The following LTF variants were observed in gnomAD, a reference collection of about 807,000 sequenced individuals.
LTF encodes the protein lactotransferrin.
A neutral mutation model predicts 87.2 loss-of-function variants in LTF; 91 were observed. That is an observed-to-expected ratio of 1.04 (90% confidence interval 0.88 to 1.24). The LOEUF (loss-of-function observed/expected upper bound fraction) is 1.24, where lower values mean the gene tolerates loss of function less well. Among genes scored for constraint, LTF ranks in the 50% most tolerant of loss-of-function variants. The pLI, the probability that LTF is intolerant of heterozygous loss-of-function variation, is 0.00. For missense variants in LTF, 901 were observed against 904.3 expected, an observed-to-expected ratio of 1.00 and a Z score of 0.05; for synonymous variants, 378 against 356.1, an observed-to-expected ratio of 1.06 and a Z score of -0.69.
At chr3:46,439,554 G>T in intron 14 of LTF, 74 bp from the exon 15 acceptor site, 1 of 1,347,158 alleles carries the variant, frequency 7.4e-7, no homozygotes, top group African/African-American at 1.4e-5. Flanking sequence ...GGTGGGTGTG[G>T]CCATTCCACT....
chr3:46,472,521 T>A (rs1384710635), intron 1 of LTF, among the ~76,000 whole-genome samples: 36 of 148,496 alleles, frequency 2.4e-4, no homozygotes, highest in African/African-American at 9.0e-4. Context: ...TGTGTGTGTG[T>A]GTGTGTGAGA....
In LTF at chr3:46,447,410, G is replaced by A. The variant is rs1702682302; in HGVS notation, c.1213-12C>T. On this transcript the variant is annotated splice_polypyrimidine_tract_variant and intron_variant, in intron 9 of 16. Transcript: ENST00000231751. ...TCAGCTTCTCCTTTCTGCAAAGACA[G>A]AGCAGATCTCCAGCACCACAGTGAG... The A allele has an allele frequency of 6.3e-7, 1 of 1,593,230 alleles. No homozygotes were observed. Among genetic ancestry groups the A allele is most frequent in the Non-Finnish European group, 8.6e-7 (1 of 1,161,430 alleles).
At chr3:46,438,340 C>T (rs1423791877) in intron 15 of LTF, among the ~76,000 whole-genome samples, 1 of 152,194 alleles carries the variant, frequency 6.6e-6, no homozygotes, top group Non-Finnish European at 1.5e-5. Context: ...CCAGGCCTCG[C>T]ACCACTTCTG....
intron 1 of LTF, among the ~76,000 whole-genome samples, chr3:46,479,515 T>A (rs952251349): frequency 2.3e-5 from 1 of 43,026 alleles, no homozygotes; most frequent in African/African-American, 4.6e-4. Context: ...TTTCTGTTTG[T>A]TTGTTTGTTT....
chr3:46,468,193 G>C (rs941693981), upstream of LTF: 61 of 456,652 alleles, frequency 1.3e-4, 1 homozygote, highest in Non-Finnish European at 2.0e-4. Flanking sequence ...GATAGTGAGG[G>C]TCAGGGCTGC....
At chr3:46,457,754 A>G (rs967885370) in intron 2 of LTF, among the ~76,000 whole-genome samples, 2 of 152,076 alleles carry the variant, frequency 1.3e-5, no homozygotes, top group Non-Finnish European at 2.9e-5. Flanking sequence ...TTTTTCTTCT[A>G]TGATTCTACA....
intron 1 of LTF, among the ~76,000 whole-genome samples, chr3:46,477,738 T>C (rs1703378172): frequency 6.6e-6 from 1 of 152,194 alleles, no homozygotes; most frequent in Non-Finnish European, 1.5e-5. Context: ...GGATGTAAGA[T>C]TTTCAGTACA....
chr3:46,460,411 G>T (rs1205258130), intron 1 of LTF, among the ~76,000 whole-genome samples: 1 of 152,192 alleles, frequency 6.6e-6, no homozygotes, highest in Non-Finnish European at 1.5e-5. Context: ...TCAGTTGGTT[G>T]GTGTGCCTGA....
intron 6 of LTF, 82 bp downstream of exon 6, chr3:46,454,223 A>G (rs1378319277): frequency 8.3e-7 from 1 of 1,198,972 alleles, no homozygotes; most frequent in Non-Finnish European, 1.2e-6. Flanking sequence ...TGAACTTAGG[A>G]ATCTAATTAG....
Position 46,456,302 on chromosome 3 carries a change from C to T in LTF, c.304G>A (p.Gly102Arg), listed in dbSNP as rs183941951. ...KLRPVAAEVY[G>R]TERQPRTHYY... The stretch of plus-strand genomic sequence containing the variant: ...AGGCAGAACTCACGTCTTTCGGTCC[C>T]GTAGACTTCCGCCGCTACAGGTCGC... Residue 102 changes from glycine to arginine, a missense_variant, in exon 3 of 17, where the codon GGG becomes AGG. Coordinates refer to ENST00000231751, the MANE Select transcript of LTF (RefSeq NM_002343.6). The T allele has an allele frequency of 7.4e-6, 12 of 1,614,030 alleles. No homozygotes were observed. The highest frequency in any genetic ancestry group is 3.3e-5 in the Admixed American group (2 of 60,016).
chr3:46,459,690 C>G lies in LTF; in HGVS notation c.173G>C (p.Arg58Thr). 6.4e-7 allele frequency: 1 copy of G among 1,564,060 alleles called. No homozygotes were observed. Among genetic ancestry groups the G allele is most frequent in the Non-Finnish European group, 8.6e-7 (1 of 1,159,014 alleles). ...CTGGATACACTGGATGGGGGAGTCT[C>G]TCTTTATGCAGCTGACAGGAGGGCC... The part of the protein sequence containing the change: ...VRGPPVSCIK[R>T]DSPIQCIQAI... Residue 58 changes from arginine to threonine, a missense_variant, in exon 2 of 17, where the codon AGA becomes ACA. Transcript: ENST00000231751.
intron 1 of LTF, among the ~76,000 whole-genome samples, chr3:46,479,967 C>T (rs1703412340): frequency 1.3e-5 from 2 of 152,142 alleles, no homozygotes; most frequent in South Asian, 4.1e-4. Context: ...TGGATGATGG[C>T]ACCAAGGTGT....
chr3:46,437,559 G>A (rs905044579), intron 16 of LTF, among the ~76,000 whole-genome samples: 1 of 152,140 alleles, frequency 6.6e-6, no homozygotes, highest in African/African-American at 2.4e-5. Flanking sequence ...CCGGGCTCAA[G>A]CCATCCTCCC....
chr3:46,469,931 T>C (rs941485812), intron 2 of LTF, among the ~76,000 whole-genome samples: 1 of 152,110 alleles, frequency 6.6e-6, no homozygotes, highest in African/African-American at 2.4e-5. Context: ...TCTGTCTGCT[T>C]GGATCAGCCC....
At chr3:46,484,620 C>T (rs1431328224) in intron 1 of LTF, among the ~76,000 whole-genome samples, 2 of 152,178 alleles carry the variant, frequency 1.3e-5, no homozygotes, top group African/African-American at 4.8e-5. Flanking sequence ...GAACTGAGCC[C>T]TTATGATCTG....
upstream of LTF, among the ~76,000 whole-genome samples, chr3:46,467,906 G>T (rs750893180): frequency 6.6e-6 from 1 of 152,072 alleles, no homozygotes; most frequent in East Asian, 1.9e-4. Context: ...CCTCTGGAAA[G>T]GTACTCTTGC....
In LTF at chr3:46,443,512, G is replaced by A. The variant is rs776495702; in HGVS notation, c.1584C>T (p.Gly528=). ...CGCACTTATTCTCACCCTGCTCGTC[G>A]CCAATACACAGAGCACAGAGATTAG... ...PRSNLCALCI[G]DEQGENKCVP... The change falls in exon 13 of 17, where the codon GGC becomes GGT. Residue 528 remains glycine (G), a synonymous_variant. Coordinates refer to ENST00000231751, the MANE Select transcript of LTF (RefSeq NM_002343.6). 2.1e-5 allele frequency: 34 copies of A among 1,613,944 alleles called. No individual in the cohort carries two copies. In the East Asian group the frequency reaches 3.3e-4, roughly 16 times the overall value.
At chr3:46,440,830 G>T (rs1455030781) in intron 14 of LTF, among the ~76,000 whole-genome samples, 3 of 152,206 alleles carry the variant, frequency 2.0e-5, no homozygotes, top group Non-Finnish European at 4.4e-5. Flanking sequence ...GACAGATGCA[G>T]ATTGGAAGGT....
intron 13 of LTF, among the ~76,000 whole-genome samples, chr3:46,442,249 G>A (rs1702541340): frequency 6.6e-6 from 1 of 152,108 alleles, no homozygotes; most frequent in Non-Finnish European, 1.5e-5. Flanking sequence ...GCTGGGGGCA[G>A]TGTGAGAGGC....
Sources: allele counts gnomAD v4.1 joint callset (sites outside exome capture counted in the v4.1 genomes callset), GRCh38; gene constraint gnomAD v4.1.1; transcripts MANE v1.5; gene names NCBI Gene and HGNC (gene_info 2026-07-23, HGNC 2026-07-21).